RAB3GAP1: variants seen among roughly 807,000 people sequenced by gnomAD.
RAB3GAP1 encodes the protein rab3 GTPase-activating protein catalytic subunit.
Under a neutral mutation model 130.7 loss-of-function variants are expected in RAB3GAP1, and 86 were observed. The observed-to-expected ratio is 0.66, with a 90% confidence interval of 0.55 to 0.79. The LOEUF (loss-of-function observed/expected upper bound fraction) is 0.79. RAB3GAP1 is among the 30% of genes least tolerant of loss of function. The probability of loss-of-function intolerance (pLI) is 0.00; values close to 1 mark genes in which losing one functional copy is unlikely to be tolerated. For synonymous variants in RAB3GAP1, 367 were observed against 401.7 expected, an observed-to-expected ratio of 0.91 and a Z score of 1.03; for missense variants, 1,029 against 1,169.4, an observed-to-expected ratio of 0.88 and a Z score of 1.75.
intron 3 of RAB3GAP1, among the ~76,000 whole-genome samples, chr2:135,069,577 A>G (rs1453412896): frequency 1.3e-5 from 2 of 152,222 alleles, no homozygotes; most frequent in African/African-American, 4.8e-5. Context: ...TCCATAGAAC[A>G]GATGTGTTTA....
intron 3 of RAB3GAP1, among the ~76,000 whole-genome samples, chr2:135,083,735 G>A (rs1041514297): frequency 1.4e-5 from 2 of 145,766 alleles, no homozygotes; most frequent in African/African-American, 5.1e-5. Context: ...AAAGTACCGG[G>A]ATTATAGGCG....
At chr2:135,093,834 C>A in intron 5 of RAB3GAP1, 141 bp downstream of exon 5, 1 of 762,336 alleles carries the variant, frequency 1.3e-6, no homozygotes, top group South Asian at 1.5e-5. Flanking sequence ...AGACAGGATA[C>A]AGGGCAAAAT....
intron 3 of RAB3GAP1, among the ~76,000 whole-genome samples, chr2:135,076,714 T>G (rs1471505011): frequency 6.6e-6 from 1 of 152,238 alleles, no homozygotes; most frequent in Non-Finnish European, 1.5e-5. Flanking sequence ...TTCAGTGGCA[T>G]TAAATATATT....
At chr2:135,090,481 A>G (rs1690112152) in intron 3 of RAB3GAP1, among the ~76,000 whole-genome samples, 1 of 152,144 alleles carries the variant, frequency 6.6e-6, no homozygotes, top group African/African-American at 2.4e-5. Flanking sequence ...TTTTATGCTT[A>G]GGGTTCTGTA....
rs747453022 is a variant in RAB3GAP1, at chr2:135,052,522, G to A, written c.74+37G>A. On this transcript the variant is annotated intron_variant, in intron 2 of 23. Transcript: ENST00000264158. ...GCATTTTTGGTTACCAGCTCCCATG[G>A]GCCCTGGCGTCCCCTAGCCGCTTCC... 5.0e-6 allele frequency: 8 copies of A among 1,611,414 alleles called. No individual in the cohort carries two copies. The African/African-American group carries it at 1.1e-4, about 22-fold the overall frequency.
intron 3 of RAB3GAP1, among the ~76,000 whole-genome samples, chr2:135,073,349 G>C (rs1689531613): frequency 6.6e-6 from 1 of 152,164 alleles, no homozygotes; most frequent in African/African-American, 2.4e-5. Flanking sequence ...AATTTCATTT[G>C]CATCCTCAGA....
chr2:135,052,477 A>G lies in RAB3GAP1; in HGVS notation c.66A>G (p.Glu22=). The part of the protein sequence containing the change: ...FEITDFTTAS[E]WERFISKVEE... ...TCACGGACTTCACCACTGCCTCGGAATGGGAAAGGTGAGTGAATCGCATTT... is the reference window on the plus strand; with the variant it reads ...TCACGGACTTCACCACTGCCTCGGAGTGGGAAAGGTGAGTGAATCGCATTT... Residue 22 remains glutamate, a synonymous_variant, in exon 2 of 24, where the codon GAA becomes GAG. Coordinates refer to ENST00000264158, the MANE Select transcript of RAB3GAP1 (RefSeq NM_012233.3). The G allele has an allele frequency of 6.2e-7, 1 of 1,613,764 alleles. No homozygotes were observed. The highest frequency in any genetic ancestry group is 1.1e-5 in the South Asian group (1 of 91,056).
intron 17 of RAB3GAP1, among the ~76,000 whole-genome samples, chr2:135,149,941 G>A (rs1413257870): frequency 6.6e-6 from 1 of 152,198 alleles, no homozygotes; most frequent in African/African-American, 2.4e-5. Context: ...ACAGGCATGA[G>A]CCACCGTGCC....
chr2:135,147,814 T>G (rs1306796633), intron 17 of RAB3GAP1, among the ~76,000 whole-genome samples: 8 of 152,208 alleles, frequency 5.3e-5, no homozygotes, highest in Non-Finnish European at 1.2e-4. Context: ...GGTCTTGCTT[T>G]GTTGCCCATA....
chr2:135,071,532 T>TTAA (rs1689471818), intron 3 of RAB3GAP1, among the ~76,000 whole-genome samples: 2 of 141,378 alleles, frequency 1.4e-5, no homozygotes, highest in Non-Finnish European at 3.1e-5. Flanking sequence ...AGTCGTAGGT[T>TTAA]AAAAAAAAAA....
In RAB3GAP1 at chr2:135,090,978, C is replaced by T. The variant is rs1447469577; in HGVS notation, c.151-20C>T. On this transcript the variant is annotated intron_variant, in intron 3 of 23. Coordinates refer to ENST00000264158, the MANE Select transcript of RAB3GAP1 (RefSeq NM_012233.3). ...CTATTGATTAAGGTAAATATTTTGCCATTTTATTGGTACATATAGGGTATA... is the reference window on the plus strand; with the variant it reads ...CTATTGATTAAGGTAAATATTTTGCTATTTTATTGGTACATATAGGGTATA... 6.2e-7 allele frequency: 1 copy of T among 1,603,566 alleles called. No homozygotes were observed. The highest frequency in any genetic ancestry group is 8.5e-7 in the Non-Finnish European group (1 of 1,171,288).
Position 135,162,969 on chromosome 2 carries a change from TC to T in RAB3GAP1, c.2491-15del, listed in dbSNP as rs1692511241. 1 of 1,602,802 alleles carries T rather than the reference TC, an allele frequency of 6.2e-7. No individual in the cohort carries two copies. The highest frequency in any genetic ancestry group is 1.7e-5 in the Admixed American group (1 of 60,000). Reference sequence around the variant, plus strand: ...TTGCCATCTCGCAATGTATGCCTCTTCCTTTTCTACCGCCAGGAAATCATTC... The same window carrying T: ...TTGCCATCTCGCAATGTATGCCTCTTCTTTTCTACCGCCAGGAAATCATTC... On this transcript the variant is annotated splice_polypyrimidine_tract_variant and intron_variant, in intron 21 of 23. Coordinates refer to ENST00000264158, the MANE Select transcript of RAB3GAP1 (RefSeq NM_012233.3).
chr2:135,171,547 C>T (rs1055398225), downstream of RAB3GAP1, among the ~76,000 whole-genome samples: 15 of 152,152 alleles, frequency 9.9e-5, no homozygotes, highest in Non-Finnish European at 2.1e-4. Flanking sequence ...GGCCCTCCTA[C>T]CCCCATACAT....
intron 3 of RAB3GAP1, among the ~76,000 whole-genome samples, chr2:135,068,891 G>A (rs1689393771): frequency 6.6e-6 from 1 of 152,110 alleles, no homozygotes; most frequent in Admixed American, 6.5e-5. Flanking sequence ...TTCATTACAC[G>A]ACGTGCTAAC....
chr2:135,081,335 T>A (rs1359488340), intron 3 of RAB3GAP1, among the ~76,000 whole-genome samples: 1,302 of 78,052 alleles, frequency 0.017, 19 homozygotes, highest in African/African-American at 0.04. Context: ...AAAATATATA[T>A]ATATATATAT....
chr2:135,145,179 G>A lies in RAB3GAP1; in HGVS notation c.1924-5190G>A, dbSNP rs147936363. 2.6e-3 allele frequency among the ~76,000 whole-genome samples: 391 copies of A among 152,158 alleles called. 3 individuals are homozygous for A. Among genetic ancestry groups the A allele is most frequent in the African/African-American group, 8.0e-3 (332 of 41,504 alleles). Reference sequence around the variant, plus strand: ...AGTCAGGGTGTTTGGAGTATCAATCGCCTTGATAGGTGATTGATAAATCTG... The same window carrying A: ...AGTCAGGGTGTTTGGAGTATCAATCACCTTGATAGGTGATTGATAAATCTG... On this transcript the variant is annotated intron_variant, in intron 17 of 23. Coordinates refer to ENST00000264158, the MANE Select transcript of RAB3GAP1 (RefSeq NM_012233.3).
At chr2:135,123,705 A>G (rs1253167780) in intron 8 of RAB3GAP1, among the ~76,000 whole-genome samples, 6 of 152,186 alleles carry the variant, frequency 3.9e-5, no homozygotes, top group Admixed American at 6.5e-5. Context: ...TCCATTTACT[A>G]TCAACCAAAA....
intron 7 of RAB3GAP1, among the ~76,000 whole-genome samples, chr2:135,120,124 T>C (rs774717397): frequency 2.8e-4 from 43 of 152,346 alleles, no homozygotes; most frequent in Non-Finnish European, 2.8e-4. Context: ...CCAAGTCTTA[T>C]GCTTTATAAT....
chr2:135,098,415 A>T (rs1013533246), intron 5 of RAB3GAP1, among the ~76,000 whole-genome samples: 1 of 152,196 alleles, frequency 6.6e-6, no homozygotes, highest in African/African-American at 2.4e-5. Flanking sequence ...AAAGTTATAA[A>T]ATTGAATGAA....
Sources: gnomAD v4.1 joint callset for allele counts (sites outside exome capture counted in the v4.1 genomes callset) on GRCh38, gnomAD v4.1.1 for gene constraint, MANE v1.5 for transcripts, NCBI Gene and HGNC (gene_info 2026-07-23, HGNC 2026-07-21) for gene names.